Variants in COL3A1 observed in about 807,000 individuals in gnomAD.
COL3A1 encodes the protein collagen alpha-1(III) chain.
COL3A1 carries 46 observed loss-of-function variants against 200.9 expected under a neutral mutation model. That is an observed-to-expected ratio of 0.23 (90% CI 0.18 to 0.29). The LOEUF (loss-of-function observed/expected upper bound fraction) is 0.29, where lower values mean the gene tolerates loss of function less well. Ranked by LOEUF, COL3A1 falls within the 10% of genes least tolerant of loss-of-function variation. COL3A1 has a pLI of 1.00. For synonymous variants in COL3A1, 650 were observed against 628.0 expected, an observed-to-expected ratio of 1.03 and a Z score of -0.52; for missense variants, 1,367 against 1,917.6, an observed-to-expected ratio of 0.71 and a Z score of 5.36.
At chr2:188,998,220 A>G in intron 27 of COL3A1, 46 bp from the exon 28 acceptor site, 1 of 1,552,042 alleles carries the variant, frequency 6.4e-7, no homozygotes. Context: ...CTTTTCTATA[A>G]GCCATGTTTG....
At chr2:188,992,361 A>G (rs1688207551) in intron 14 of COL3A1, 133 bp downstream of exon 14, 2 of 789,190 alleles carry the variant, frequency 2.5e-6, no homozygotes, top group Middle Eastern at 3.3e-4. Context: ...TATACACATT[A>G]GCATCTCTGT....
intron 41 of COL3A1, among the ~76,000 whole-genome samples, 156 bp from the exon 42 acceptor site, chr2:189,006,050 G>T (rs1688578972): frequency 6.6e-6 from 1 of 151,998 alleles, no homozygotes; most frequent in Non-Finnish European, 1.5e-5. Context: ...GTGACCCTTT[G>T]AAGGGCCACA....
chr2:189,009,822 T>C (rs1333593198), intron 48 of COL3A1, among the ~76,000 whole-genome samples: 2 of 152,176 alleles, frequency 1.3e-5, no homozygotes, highest in African/African-American at 4.8e-5. Flanking sequence ...TTTAGAACTA[T>C]TGGAACAAAT....
chr2:188,989,492 T>G (rs1401419987), intron 8 of COL3A1, 43 bp downstream of exon 8: 4 of 1,439,974 alleles, frequency 2.8e-6, no homozygotes. Flanking sequence ...AAAATTTAAC[T>G]TGGTGTATTC....
At chr2:188,982,158 T>C (rs1174008914) in intron 1 of COL3A1, among the ~76,000 whole-genome samples, 1 of 151,680 alleles carries the variant, frequency 6.6e-6, no homozygotes, top group Non-Finnish European at 1.5e-5. Flanking sequence ...TTTAAGAATA[T>C]GATAATTTTT....
At chr2:189,004,958 A>G (rs1478122959) in intron 40 of COL3A1, among the ~76,000 whole-genome samples, 1 of 152,200 alleles carries the variant, frequency 6.6e-6, no homozygotes, top group Non-Finnish European at 1.5e-5. Flanking sequence ...AATTGATATG[A>G]TATTTCTGGT....
rs1324789863 is a variant in COL3A1, at chr2:188,985,201, C to CTCGCCCTCCTAATGG, written c.290_304dup (p.Arg97_Gly101dup). On this transcript the variant is annotated inframe_insertion, in exon 3 of 51. Coordinates refer to ENST00000304636, the MANE Select transcript of COL3A1 (RefSeq NM_000090.4). ...TGTTTCTTTTCCATTTATTAGCCTA[C>CTCGCCCTCCTAATGG]TCGCCCTCCTAATGGTCAAGGACCT... 1 of 1,612,342 alleles carries CTCGCCCTCCTAATGG rather than the reference C, an allele frequency of 6.2e-7. No individual in the cohort carries two copies. The highest frequency in any genetic ancestry group is 2.2e-5 in the East Asian group (1 of 44,832).
chr2:188,988,158 T>C, intron 6 of COL3A1, 24 bp downstream of exon 6: 2 of 1,599,260 alleles, frequency 1.3e-6, no homozygotes, highest in Non-Finnish European at 1.7e-6. Flanking sequence ...TTGGTGGTGT[T>C]TTCTTCCTCA....
intron 23 of COL3A1, 88 bp downstream of exon 23, chr2:188,996,266 G>T: frequency 1.1e-6 from 1 of 941,864 alleles, no homozygotes; most frequent in Non-Finnish European, 1.6e-6. Context: ...GTGTGTGTGT[G>T]TGTGTATATA....
intron 1 of COL3A1, among the ~76,000 whole-genome samples, chr2:188,975,408 C>T (rs1165472689): frequency 6.6e-6 from 1 of 152,104 alleles, no homozygotes; most frequent in African/African-American, 2.4e-5. Context: ...CCCCTAAAAA[C>T]ACATTTGTCT....
intron 1 of COL3A1, among the ~76,000 whole-genome samples, chr2:188,982,619 T>G (rs1576459730): frequency 6.6e-6 from 1 of 151,940 alleles, no homozygotes; most frequent in African/African-American, 2.4e-5. Flanking sequence ...TGAAAAGATA[T>G]GCCTGATCCA....
rs1688653862 is a variant in COL3A1, at chr2:189,008,894, C to A, written c.3526-30C>A. 4 of 1,609,502 alleles carry A rather than the reference C, an allele frequency of 2.5e-6. 1 individual carries two copies. Among genetic ancestry groups the A allele is most frequent in the African/African-American group, 2.7e-5 (2 of 74,894 alleles). The stretch of plus-strand genomic sequence containing the variant: ...TTAGAGTGGCGACTGAATGTGCATA[C>A]CTCAATGATCCATGTTTTACTCATT... On this transcript the variant is annotated intron_variant, in intron 47 of 50. Coordinates refer to ENST00000304636, the MANE Select transcript of COL3A1 (RefSeq NM_000090.4).
intron 8 of COL3A1, among the ~76,000 whole-genome samples, chr2:188,989,886 G>A (rs559222619): frequency 2.0e-5 from 3 of 152,212 alleles, no homozygotes; most frequent in South Asian, 2.1e-4. Context: ...GTGATTAGAA[G>A]CACCTGCATT....
Position 189,001,393 on chromosome 2 carries a change from C to G in COL3A1, c.2284-4C>G, listed in dbSNP as rs1576469212. 1 of 1,613,200 alleles carries G rather than the reference C, an allele frequency of 6.2e-7. No individual in the cohort carries two copies. Among genetic ancestry groups the G allele is most frequent in the South Asian group, 1.1e-5 (1 of 91,058 alleles). On this transcript the variant is annotated splice_region_variant and splice_polypyrimidine_tract_variant and intron_variant, in intron 32 of 50. Coordinates refer to ENST00000304636, the MANE Select transcript of COL3A1 (RefSeq NM_000090.4). Reference sequence around the variant, plus strand: ...AAATTAAAAAATATTTTTATTTCCTCTAGGGTCCTACTGGTCCTATTGGTC... The same window carrying G: ...AAATTAAAAAATATTTTTATTTCCTGTAGGGTCCTACTGGTCCTATTGGTC...
intron 21 of COL3A1, 50 bp downstream of exon 21, chr2:188,995,149 C>A: frequency 6.6e-7 from 1 of 1,513,910 alleles, no homozygotes; most frequent in Non-Finnish European, 9.2e-7. Context: ...CACAAATGGG[C>A]AGTTCTTGTA....
chr2:189,008,003 T>C, intron 46 of COL3A1, 32 bp from the exon 47 acceptor site: 1 of 1,613,938 alleles, frequency 6.2e-7, no homozygotes, highest in East Asian at 2.2e-5. Context: ...AGAAAGATAT[T>C]CTGGCATTGT....
chr2:189,008,986 C>G lies in COL3A1; in HGVS notation c.3588C>G (p.Cys1196Trp), dbSNP rs1205627391. Reference protein sequence around the residue: ...PPGPPGAPGPCCGGVGAAAIA... With the variant: ...PPGPPGAPGPWCGGVGAAAIA... ...GACCTCCTGGTGCCCCTGGTCCTTG[C>G]TGTGGTGGTGTTGGAGCCGCTGCCA... The change falls in exon 48 of 51, where the codon TGC becomes TGG. Residue 1196 changes from cysteine (C) to tryptophan (W), a missense_variant. By Grantham distance (215) the Cys-to-Trp change is radical. Around this residue, in one of 5 missense-constraint regions of COL3A1, gnomAD observed 846 missense variants for 1,147.9 expected, o/e 0.74. Transcript: ENST00000304636. 1.9e-6 allele frequency: 3 copies of G among 1,614,160 alleles called. No individual in the cohort carries two copies. The highest frequency in any genetic ancestry group is 2.5e-6 in the Non-Finnish European group (3 of 1,180,038).
intron 7 of COL3A1, among the ~76,000 whole-genome samples, chr2:188,988,864 A>G (rs573870374): frequency 6.6e-6 from 1 of 151,992 alleles, no homozygotes; most frequent in Non-Finnish European, 1.5e-5. Context: ...TTAGCCATCA[A>G]AATAGTCCAC....
rs866409511 is a variant in COL3A1 at position 188,987,111 on chromosome 2, G to A, written c.500G>A (p.Gly167Glu). The A allele has an allele frequency of 6.2e-7, 1 of 1,612,856 alleles. No individual in the cohort carries two copies. Among genetic ancestry groups the A allele is most frequent in the Admixed American group, 1.7e-5 (1 of 59,892 alleles). The change falls in exon 5 of 51, where the codon GGA becomes GAA. Residue 167 changes from glycine to glutamate, a missense_variant. Physicochemically the swap from Gly to Glu is moderately conservative, Grantham distance 98 (BLOSUM62 -2). Around this residue, in one of 5 missense-constraint regions of COL3A1, gnomAD observed 462 missense variants for 681.4 expected, o/e 0.68. Coordinates refer to ENST00000304636, the MANE Select transcript of COL3A1 (RefSeq NM_000090.4). ...SYDVKSGVAVGGLAGYPGPAG... is the reference protein window; with the variant it reads ...SYDVKSGVAVEGLAGYPGPAG... ...GATGTCAAGTCTGGAGTAGCAGTAG[G>A]AGGACTCGCAGGCTATCCTGGACCA...
Sources: gnomAD v4.1 joint callset for allele counts (sites outside exome capture counted in the v4.1 genomes callset) on GRCh38, gnomAD v4.1.1 for gene constraint, gnomAD v4.1.1 regional missense constraint, MANE v1.5 for transcripts, NCBI Gene and HGNC (gene_info 2026-07-23, HGNC 2026-07-21) for gene names.